Variants in KLHDC4 observed in about 807,000 individuals in gnomAD.
The protein encoded by KLHDC4 is kelch domain-containing protein 4.
A neutral mutation model predicts 62.4 loss-of-function variants in KLHDC4; 90 were observed. The ratio of observed to expected loss-of-function variants is 1.44; its 90% CI spans 1.22 to 1.72. The LOEUF is 1.72. KLHDC4 is among the 40% of genes most tolerant of loss of function. KLHDC4 has a pLI of 0.00. For missense variants in KLHDC4, 1,025 were observed against 699.7 expected (o/e 1.47, Z -5.25); for synonymous variants, 386 against 284.4 (o/e 1.36, Z -3.59).
intron 1 of KLHDC4, chr16:87,762,254 G>T: frequency 1.1e-6 from 1 of 921,082 alleles, no homozygotes; most frequent in Non-Finnish European, 1.5e-6. Flanking sequence ...GGGTAGATGT[G>T]TGCACCAAGT....
rs984172963 is a variant in KLHDC4 at position 87,714,635 on chromosome 16, C to G, written c.760-62G>C. 3 of 1,573,638 alleles carry G rather than the reference C, an allele frequency of 1.9e-6. No individual in the cohort carries two copies. In the African/African-American group the frequency reaches 4.0e-5, roughly 21 times the overall value. ...GCTACAGTGGTTGCTTACAGACCCCCCAACCCTGTGGGCGCATTTTGGATG... is the reference window on the plus strand; with the variant it reads ...GCTACAGTGGTTGCTTACAGACCCCGCAACCCTGTGGGCGCATTTTGGATG... On this transcript the variant is annotated intron_variant, in intron 7 of 11. Transcript: ENST00000270583.
At chr16:87,709,767 C>T in intron 9 of KLHDC4, 100 bp from the exon 10 acceptor site, 2 of 1,360,224 alleles carry the variant, frequency 1.5e-6, no homozygotes, top group East Asian at 2.5e-5. Flanking sequence ...GGGGACCACC[C>T]ACAAGCGTGG....
Position 87,709,334 on chromosome 16 carries a change from G to C in KLHDC4, c.1378C>G (p.Leu460Val). ...AGGTCCAGGCAGTGCAGGTCGCTGA[G>C]GGTGACCTGGCGGTCGCCGGCCTCA... ...MFEAGDRQVT[L>V]SDLHCLDLHR... The change falls in exon 10 of 12, where the codon CTC (leucine) becomes GTC (valine). Residue 460 changes from leucine to valine, a missense_variant. Coordinates refer to ENST00000270583, the MANE Select transcript of KLHDC4 (RefSeq NM_017566.4). 1 of 1,613,416 alleles carries C rather than the reference G, an allele frequency of 6.2e-7. No individual in the cohort carries two copies. The highest frequency in any genetic ancestry group is 8.5e-7 in the Non-Finnish European group (1 of 1,179,952).
At chr16:87,730,470 G>A (rs1000434207) in intron 6 of KLHDC4, 82 bp downstream of exon 6, 1 of 1,162,850 alleles carries the variant, frequency 8.6e-7, no homozygotes. Flanking sequence ...CGTCTTTCTT[G>A]TGTATTCAGA....
At chr16:87,718,853 G>A (rs1287485549) in intron 7 of KLHDC4, among the ~76,000 whole-genome samples, 1 of 151,366 alleles carries the variant, frequency 6.6e-6, no homozygotes, top group Middle Eastern at 3.5e-3. Context: ...TCTGGGATGT[G>A]AGGAGTGCCT....
rs1027295829 is a variant in KLHDC4, at chr16:87,708,814, T to C, written c.1448-348A>G. ...ACCACCTTTCCCTAGATTTGTGGAT[T>C]TTGCTTTAGTCTCAGATCTTTAAAA... On this transcript the variant is annotated intron_variant, in intron 10 of 11. Coordinates refer to ENST00000270583, the MANE Select transcript of KLHDC4 (RefSeq NM_017566.4). Among the ~76,000 whole-genome samples, 6 of 152,206 alleles carry C rather than the reference T, an allele frequency of 3.9e-5. No homozygotes were observed. In the East Asian group the frequency reaches 1.2e-3, roughly 29 times the overall value.
intron 7 of KLHDC4, among the ~76,000 whole-genome samples, chr16:87,723,585 C>G (rs1380863807): frequency 6.6e-6 from 1 of 152,246 alleles, no homozygotes; most frequent in African/African-American, 2.4e-5. Context: ...ACAAGCCTGA[C>G]CGATGCCAGC....
intron 2 of KLHDC4, among the ~76,000 whole-genome samples, chr16:87,758,950 C>A (rs192993336): frequency 1.3e-3 from 191 of 151,912 alleles, no homozygotes; most frequent in Non-Finnish European, 2.0e-3. Flanking sequence ...CCGAGGCGGG[C>A]GGATCACCTG....
chr16:87,748,300 C>T (rs549245681), intron 5 of KLHDC4, among the ~76,000 whole-genome samples: 4 of 152,326 alleles, frequency 2.6e-5, no homozygotes, highest in African/African-American at 9.6e-5. Context: ...AAGAACGTGC[C>T]TTTTAGTCAA....
downstream of KLHDC4, among the ~76,000 whole-genome samples, chr16:87,705,621 G>T (rs548867860): frequency 6.6e-6 from 1 of 152,330 alleles, no homozygotes; most frequent in African/African-American, 2.4e-5. Flanking sequence ...CACCTAATCA[G>T]TTACAAGCTC....
chr16:87,751,750 T>A (rs2043982002), intron 4 of KLHDC4, among the ~76,000 whole-genome samples: 1 of 151,784 alleles, frequency 6.6e-6, no homozygotes, highest in Admixed American at 6.6e-5. Context: ...AGACCCTATT[T>A]CTAAAATATA....
chr16:87,720,283 A>G lies in KLHDC4; in HGVS notation c.760-5710T>C, dbSNP rs117932383. On this transcript the variant is annotated intron_variant, in intron 7 of 11. Coordinates refer to ENST00000270583, the MANE Select transcript of KLHDC4 (RefSeq NM_017566.4). The stretch of plus-strand genomic sequence containing the variant: ...GGGAGAAGACAGTGCTAACGGCAGC[A>G]CTGATGTTCACCGAAATCACAATCA... Among the ~76,000 whole-genome samples the G allele has an allele frequency of 7.8e-3, 1,194 of 152,300 alleles. 12 individuals are homozygous for G. Among genetic ancestry groups the G allele is most frequent in the Middle Eastern group, 0.017 (5 of 294 alleles).
Position 87,700,845 on chromosome 16 carries a change from G to C in KLHDC4, c.*794C>G, listed in dbSNP as rs182778272. On this transcript the variant is annotated 3_prime_UTR_variant, in exon 1 of 1. Transcript: ENST00000446344. ...GAGGGAGGAGGTTGGAGGGCGGAGG[G>C]AGGAGGTTGGAGGGTGGAGGGAGGA... is the stretch of plus-strand genomic sequence containing the variant. 1,863 of 246,738 alleles carry C rather than the reference G, an allele frequency of 7.6e-3. 10 individuals are homozygous for C. Among genetic ancestry groups the C allele is most frequent in the Non-Finnish European group, 0.011 (1,355 of 127,304 alleles). The allele number at this position is 246,738 out of a possible 1,614,324, so 15.3% of individuals were successfully genotyped here.
intron 5 of KLHDC4, among the ~76,000 whole-genome samples, chr16:87,740,059 G>A (rs1379555541): frequency 2.6e-5 from 4 of 152,152 alleles, no homozygotes; most frequent in African/African-American, 9.7e-5. Flanking sequence ...TCCCTCAGAG[G>A]GCACTGGCCC....
At chr16:87,712,745 G>C (rs1313389830) in intron 8 of KLHDC4, among the ~76,000 whole-genome samples, 1 of 152,246 alleles carries the variant, frequency 6.6e-6, no homozygotes, top group Non-Finnish European at 1.5e-5. Context: ...CTCAGCATGA[G>C]GAATTTTAGT....
At position 87,730,520 on chromosome 16, in the gene KLHDC4, G is replaced by T. The variant is rs755061741; in HGVS notation, c.599+32C>A. On this transcript the variant is annotated intron_variant, in intron 6 of 11. Transcript: ENST00000270583. ...AAAAGCCCACTCCTTAATGCTTCAG[G>T]AGAGAAAGATTTTTCCGTTCTTGGT... 4 of 1,555,568 alleles carry T rather than the reference G, an allele frequency of 2.6e-6. No homozygotes were observed. In the Admixed American group the frequency reaches 7.4e-5, roughly 29 times the overall value.
At chr16:87,705,338 A>G (rs2142888591), downstream of KLHDC4, among the ~76,000 whole-genome samples, 1 of 152,352 alleles carries the variant, frequency 6.6e-6, no homozygotes, top group East Asian at 1.9e-4. Context: ...TCCGCCCAGG[A>G]ATCCACCACC....
At chr16:87,711,982 G>A (rs1471549030) in intron 8 of KLHDC4, among the ~76,000 whole-genome samples, 2 of 147,334 alleles carry the variant, frequency 1.4e-5, no homozygotes, top group Admixed American at 6.7e-5. Context: ...CGCCCAGGGG[G>A]CTGAATGCCT....
chr16:87,764,647 A>T (rs1172093311), intron 1 of KLHDC4, among the ~76,000 whole-genome samples: 2 of 14,360 alleles, frequency 1.4e-4, no homozygotes, highest in African/African-American at 1.8e-3. Flanking sequence ...AAACTCCTTC[A>T]AAAAAAAAAA....
Sources: allele counts gnomAD v4.1 joint callset (sites outside exome capture counted in the v4.1 genomes callset), GRCh38; gene constraint gnomAD v4.1.1; transcripts MANE v1.5; gene names NCBI Gene and HGNC (gene_info 2026-07-23, HGNC 2026-07-21).